Variants in FRMD4A observed in about 807,000 individuals in gnomAD.
The protein encoded by FRMD4A is FERM domain-containing protein 4A.
A neutral mutation model predicts 129.1 loss-of-function variants in FRMD4A; 29 were observed. The ratio of observed to expected loss-of-function variants is 0.22; its 90% CI spans 0.17 to 0.31. The LOEUF is 0.31. Ranked by LOEUF, FRMD4A falls within the 10% of genes least tolerant of loss-of-function variation. The pLI, the probability that FRMD4A is intolerant of heterozygous loss-of-function variation, is 1.00. For synonymous variants in FRMD4A, 634 were observed against 571.6 expected (o/e 1.11, Z -1.56); for missense variants, 1,272 against 1,375.8 (o/e 0.92, Z 1.19).
intron 3 of FRMD4A, among the ~76,000 whole-genome samples, chr10:13,824,709 A>G (rs1452020630): frequency 6.6e-6 from 1 of 151,936 alleles, no homozygotes; most frequent in Non-Finnish European, 1.5e-5. Context: ...CCTGACCAAA[A>G]TGGGGAAACC....
At chr10:13,915,972 T>C (rs529826978) in intron 2 of FRMD4A, among the ~76,000 whole-genome samples, 137 of 152,340 alleles carry the variant, frequency 9.0e-4, no homozygotes, top group Non-Finnish European at 1.4e-3. Flanking sequence ...TTCCCAACAC[T>C]AGTAATTTGT....
chr10:13,933,730 G>A (rs892258408), intron 2 of FRMD4A, among the ~76,000 whole-genome samples: 7 of 152,128 alleles, frequency 4.6e-5, no homozygotes, highest in Non-Finnish European at 7.3e-5. Flanking sequence ...GGTAGTGGTG[G>A]CCAATGTCTG....
chr10:13,875,207 G>T (rs1369129623), intron 2 of FRMD4A, among the ~76,000 whole-genome samples: 1 of 152,132 alleles, frequency 6.6e-6, no homozygotes, highest in Non-Finnish European at 1.5e-5. Flanking sequence ...CAAAGAAGGG[G>T]GAGCTAATCG....
intron 2 of FRMD4A, among the ~76,000 whole-genome samples, chr10:14,108,377 C>T (rs1488611441): frequency 6.6e-6 from 1 of 152,200 alleles, no homozygotes; most frequent in Non-Finnish European, 1.5e-5. Context: ...CCAAATCTGT[C>T]TGAAGGTTCT....
intron 3 of FRMD4A, among the ~76,000 whole-genome samples, chr10:13,812,121 T>A (rs1251463259): frequency 6.6e-6 from 1 of 152,166 alleles, no homozygotes; most frequent in Non-Finnish European, 1.5e-5. Context: ...GACCTCGTGA[T>A]CTGCCTGCCT....
chr10:13,767,280 C>T (rs1349156429), intron 6 of FRMD4A, among the ~76,000 whole-genome samples: 3 of 152,044 alleles, frequency 2.0e-5, no homozygotes, highest in East Asian at 1.9e-4. Flanking sequence ...ACTGTGTCAC[C>T]CAGGCTGGAA....
At chr10:14,286,348 G>A (rs1025537045) in intron 2 of FRMD4A, among the ~76,000 whole-genome samples, 6 of 152,124 alleles carry the variant, frequency 3.9e-5, no homozygotes, top group African/African-American at 1.4e-4. Context: ...AGGACGAGAC[G>A]CTCCCGTGTC....
chr10:14,325,227 A>C (rs1843224999), intron 2 of FRMD4A, among the ~76,000 whole-genome samples: 1 of 152,240 alleles, frequency 6.6e-6, no homozygotes, highest in Admixed American at 6.5e-5. Flanking sequence ...GCTTATTACA[A>C]ATTCTGAATC....
intron 2 of FRMD4A, among the ~76,000 whole-genome samples, chr10:13,964,364 G>A (rs549755081): frequency 2.6e-5 from 4 of 151,846 alleles, no homozygotes; most frequent in Non-Finnish European, 5.9e-5. Flanking sequence ...TACAACTTTG[G>A]GGCCAGAAGC....
intron 18 of FRMD4A, among the ~76,000 whole-genome samples, chr10:13,663,915 G>A (rs2082824512): frequency 6.6e-6 from 1 of 152,188 alleles, no homozygotes; most frequent in African/African-American, 2.4e-5. Context: ...GCGAAACCAG[G>A]GTAGGCACTT....
chr10:13,742,862 T>G (rs2091087016), intron 9 of FRMD4A, among the ~76,000 whole-genome samples: 6 of 152,092 alleles, frequency 3.9e-5, no homozygotes, highest in African/African-American at 1.5e-4. Flanking sequence ...AAAGCCTTCT[T>G]TTACCCACCT....
intron 2 of FRMD4A, among the ~76,000 whole-genome samples, chr10:14,247,170 G>A (rs1045468598): frequency 6.6e-6 from 1 of 152,148 alleles, no homozygotes; most frequent in Non-Finnish European, 1.5e-5. Context: ...CACACAGGGA[G>A]ACTAGTGACC....
At chr10:14,121,534 G>T (rs1838518171) in intron 2 of FRMD4A, among the ~76,000 whole-genome samples, 2 of 152,176 alleles carry the variant, frequency 1.3e-5, no homozygotes, top group South Asian at 4.1e-4. Flanking sequence ...TAAAAGAGGG[G>T]CTATCAGCTA....
At chr10:14,272,372 G>A (rs901133594) in intron 2 of FRMD4A, among the ~76,000 whole-genome samples, 5 of 152,132 alleles carry the variant, frequency 3.3e-5, no homozygotes, top group African/African-American at 7.2e-5. Context: ...GGGTGCACAC[G>A]GTCATGGGGT....
chr10:13,653,305 G>A (rs1433463805), intron 23 of FRMD4A: 2 of 152,306 alleles, frequency 1.3e-5, no homozygotes, highest in Non-Finnish European at 2.9e-5. Flanking sequence ...CCTGAGGTCA[G>A]GAGTTCGAGA....
At chr10:14,082,250 A>G (rs2131734871) in intron 2 of FRMD4A, among the ~76,000 whole-genome samples, 1 of 152,300 alleles carries the variant, frequency 6.6e-6, no homozygotes, top group Non-Finnish European at 1.5e-5. Flanking sequence ...CCAGATAAAA[A>G]AAAAATACAA....
chr10:13,790,309 C>T (rs992619027), intron 5 of FRMD4A, among the ~76,000 whole-genome samples: 1 of 152,154 alleles, frequency 6.6e-6, no homozygotes, highest in Non-Finnish European at 1.5e-5. Flanking sequence ...CCAGCTGCAT[C>T]TGTGAGGAAA....
At chr10:13,848,660 T>C (rs1357513414) in intron 3 of FRMD4A, among the ~76,000 whole-genome samples, 1 of 147,180 alleles carries the variant, frequency 6.8e-6, no homozygotes, top group African/African-American at 2.5e-5. Context: ...GGGGGTTCCC[T>C]AGATGATCGC....
intron 2 of FRMD4A, among the ~76,000 whole-genome samples, chr10:13,860,342 T>C (rs61833456): frequency 0.24 from 36,390 of 152,190 alleles, 4,693 homozygotes; most frequent in Non-Finnish European, 0.29. Flanking sequence ...TGTTTAAGCA[T>C]GTGTACATAA....
Sources: allele counts gnomAD v4.1 joint callset (sites outside exome capture counted in the v4.1 genomes callset), GRCh38; gene constraint gnomAD v4.1.1; transcripts MANE v1.5; gene names NCBI Gene and HGNC (gene_info 2026-07-23, HGNC 2026-07-21).